The following HEMK2 variants were observed in gnomAD, a reference collection of about 807,000 sequenced individuals.
HEMK2 encodes the protein methyltransferase HEMK2.
the HEMK2 span, among the ~76,000 whole-genome samples, chr21:28,841,014 AATATATAAATAAATATTATATATT>A: frequency 4.4e-5 from 5 of 114,630 alleles, no homozygotes; most frequent in African/African-American, 1.6e-4. Flanking sequence ...TTATATATAT[AATATATAAATAAATATTATATATT>A]ATATATAAAT....
the HEMK2 span, among the ~76,000 whole-genome samples, chr21:28,662,447 G>T: frequency 6.6e-6 from 1 of 152,120 alleles, no homozygotes; most frequent in African/African-American, 2.4e-5. Context: ...TCAGAGTCCA[G>T]GTCCAGGCAC....
At chr21:28,802,777 G>C in the HEMK2 span, among the ~76,000 whole-genome samples, 1 of 152,076 alleles carries the variant, frequency 6.6e-6, no homozygotes, top group South Asian at 2.1e-4. Context: ...ATATTTTCTT[G>C]TCAAGCTTTT....
At chr21:28,636,543 T>C in the HEMK2 span, among the ~76,000 whole-genome samples, 1 of 152,158 alleles carries the variant, frequency 6.6e-6, no homozygotes, top group African/African-American at 2.4e-5. Flanking sequence ...GCCTGTCTAA[T>C]TGCAAATTTC....
the HEMK2 span, among the ~76,000 whole-genome samples, chr21:28,581,125 C>A: frequency 1.3e-5 from 2 of 152,044 alleles, no homozygotes; most frequent in African/African-American, 4.8e-5. Context: ...TCACTGTGCA[C>A]TGGTTACTAC....
At chr21:28,734,850 A>G in the HEMK2 span, among the ~76,000 whole-genome samples, 7 of 152,180 alleles carry the variant, frequency 4.6e-5, no homozygotes, top group Admixed American at 4.6e-4. Context: ...TAACAAACCA[A>G]CCCAAAGCTT....
chr21:28,852,089 G>T, the HEMK2 span, among the ~76,000 whole-genome samples: 1 of 152,200 alleles, frequency 6.6e-6, no homozygotes, highest in Non-Finnish European at 1.5e-5. Flanking sequence ...AGTTGAAAGG[G>T]GATGTGGTGG....
chr21:28,817,095 T>C, the HEMK2 span, among the ~76,000 whole-genome samples: 43 of 152,306 alleles, frequency 2.8e-4, no homozygotes, highest in East Asian at 7.7e-3. Flanking sequence ...GTGGCAATTA[T>C]AAACTGATGA....
chr21:28,776,429 A>G, the HEMK2 span, among the ~76,000 whole-genome samples: 1 of 152,220 alleles, frequency 6.6e-6, no homozygotes, highest in East Asian at 1.9e-4. Flanking sequence ...GTATAATCCT[A>G]TTCTGAGAGA....
the HEMK2 span, among the ~76,000 whole-genome samples, chr21:28,765,888 TG>T: frequency 6.6e-6 from 1 of 151,972 alleles, no homozygotes; most frequent in Non-Finnish European, 1.5e-5. Flanking sequence ...AACAGGGAAA[TG>T]CAAATTAAAA....
chr21:28,663,591 T>G, the HEMK2 span, among the ~76,000 whole-genome samples: 1 of 152,362 alleles, frequency 6.6e-6, no homozygotes, highest in Non-Finnish European at 1.5e-5. Flanking sequence ...AACAGACTAG[T>G]TCAACATTAG....
chr21:28,860,676 T>G, the HEMK2 span, among the ~76,000 whole-genome samples: 1 of 121,086 alleles, frequency 8.3e-6, no homozygotes, highest in Non-Finnish European at 1.7e-5. Flanking sequence ...GAGCTGAAAC[T>G]GAAAAAACAG....
At chr21:28,705,643 G>C in the HEMK2 span, among the ~76,000 whole-genome samples, 1 of 152,144 alleles carries the variant, frequency 6.6e-6, no homozygotes, top group African/African-American at 2.4e-5. Flanking sequence ...CATAAACTTA[G>C]AGGTTTAAAG....
At chr21:28,877,512 G>C in the HEMK2 span, among the ~76,000 whole-genome samples, 3 of 141,540 alleles carry the variant, frequency 2.1e-5, no homozygotes, top group Non-Finnish European at 4.6e-5. Flanking sequence ...AAGATGGACA[G>C]AAGGAAAAAA....
chr21:28,769,432 G>C, the HEMK2 span, among the ~76,000 whole-genome samples: 21 of 152,202 alleles, frequency 1.4e-4, no homozygotes, highest in Non-Finnish European at 4.4e-5. Flanking sequence ...AAAGCATAAT[G>C]AATCCAGATA....
chr21:28,582,550 G>C, the HEMK2 span, among the ~76,000 whole-genome samples: 1 of 152,152 alleles, frequency 6.6e-6, no homozygotes, highest in Non-Finnish European at 1.5e-5. Flanking sequence ...GGGTCTGCCA[G>C]GGCTCTCAGT....
chr21:28,634,268 G>A, the HEMK2 span, among the ~76,000 whole-genome samples: 2 of 152,134 alleles, frequency 1.3e-5, no homozygotes, highest in Non-Finnish European at 2.9e-5. Flanking sequence ...TGCAAGGGGG[G>A]AATCCTATGG....
At chr21:28,579,262 T>A in the HEMK2 span, among the ~76,000 whole-genome samples, 2 of 152,202 alleles carry the variant, frequency 1.3e-5, no homozygotes, top group Non-Finnish European at 2.9e-5. Flanking sequence ...ATTAACCAAT[T>A]TTGAATCATA....
At chr21:28,759,342 C>G in the HEMK2 span, among the ~76,000 whole-genome samples, 1 of 152,096 alleles carries the variant, frequency 6.6e-6, no homozygotes, top group Admixed American at 6.5e-5. Context: ...GCCTGTAGTC[C>G]CTTTGTTTTG....
At chr21:28,653,570 C>A in the HEMK2 span, among the ~76,000 whole-genome samples, 1 of 152,270 alleles carries the variant, frequency 6.6e-6, no homozygotes, top group African/African-American at 2.4e-5. Flanking sequence ...CTCCCTCAAG[C>A]ACCCATATTA....
Sources: allele counts gnomAD v4.1 joint callset (sites outside exome capture counted in the v4.1 genomes callset), GRCh38; gene constraint gnomAD v4.1.1; transcripts MANE v1.5; gene names NCBI Gene and HGNC (gene_info 2026-07-23, HGNC 2026-07-21).